VWA8: variants seen among roughly 807,000 people sequenced by gnomAD.
The protein encoded by VWA8 is von Willebrand factor A domain-containing protein 8.
VWA8 carries 221 observed loss-of-function variants against 241.5 expected under a neutral mutation model. That is an observed-to-expected ratio of 0.91 (90% CI 0.82 to 1.02). The LOEUF is 1.02. VWA8 is among the 50% of genes least tolerant of loss of function. The probability of loss-of-function intolerance (pLI) is 0.00; values close to 1 mark genes in which losing one functional copy is unlikely to be tolerated. For synonymous variants in VWA8, 852 were observed against 827.1 expected, an observed-to-expected ratio of 1.03 and a Z score of -0.52; for missense variants, 2,322 against 2,328.7, an observed-to-expected ratio of 1.00 and a Z score of 0.06.
At chr13:41,698,442 C>G (rs1186297069) in intron 29 of VWA8, among the ~76,000 whole-genome samples, 1 of 152,126 alleles carries the variant, frequency 6.6e-6, no homozygotes. Flanking sequence ...TTTAGCCTGA[C>G]TCCGGGCATC....
Position 41,891,420 on chromosome 13 carries a change from T to C in VWA8, c.651A>G (p.Arg217=). The change falls in exon 5 of 45, where the codon CGA becomes CGG. Residue 217 remains arginine, a splice_region_variant and synonymous_variant. Coordinates refer to ENST00000379310, the MANE Select transcript of VWA8 (RefSeq NM_015058.2). ...MSAERYDKLL[R]DHTKKELDSW... ...AAGCAACAGGATTTTCTTTTCTTAC[T>C]CGGAGAAGTTTGTCGTAACGCTCAG... 1 of 1,614,128 alleles carries C rather than the reference T, an allele frequency of 6.2e-7. No individual in the cohort carries two copies. The highest frequency in any genetic ancestry group is 8.5e-7 in the Non-Finnish European group (1 of 1,180,002).
At chr13:41,929,360 C>T (rs1877000063) in intron 2 of VWA8, among the ~76,000 whole-genome samples, 1 of 151,938 alleles carries the variant, frequency 6.6e-6, no homozygotes, top group South Asian at 2.1e-4. Flanking sequence ...ACTATGTTGC[C>T]ATGGCTGATC....
Position 41,907,684 on chromosome 13 carries a change from GT to G in VWA8, c.384del (p.Lys128AsnfsTer62). The G allele has an allele frequency of 6.2e-7, 1 of 1,613,950 alleles. No homozygotes were observed. The highest frequency in any genetic ancestry group is 1.1e-5 in the South Asian group (1 of 91,072). ...GACAGGGCAATGTATTCGACCTCCCGTTTGGTCAGCTCCTGTAGAGAAGAGA... is the reference window on the plus strand; with the variant it reads ...GACAGGGCAATGTATTCGACCTCCCGTTGGTCAGCTCCTGTAGAGAAGAGA... ...SIAMQYLELT[K>X]REVEYIALSR... is the part of the protein sequence containing the mutation. On this transcript the variant is annotated frameshift_variant, in exon 4 of 45. Transcript: ENST00000379310. LOFTEE classifies it high-confidence loss of function.
intron 17 of VWA8, among the ~76,000 whole-genome samples, chr13:41,790,109 T>C (rs546745596): frequency 3.5e-4 from 53 of 152,256 alleles, no homozygotes; most frequent in African/African-American, 1.3e-3. Context: ...TAGACTTACA[T>C]AGTTAACTGA....
At chr13:41,727,397 T>G in intron 23 of VWA8, 84 bp from the exon 24 acceptor site, 3 of 1,041,022 alleles carry the variant, frequency 2.9e-6, no homozygotes, top group Non-Finnish European at 4.0e-6. Context: ...ATAACATAAA[T>G]AGTTATACTG....
At chr13:41,688,346 T>C (rs2045151183) in intron 34 of VWA8, among the ~76,000 whole-genome samples, 1 of 152,058 alleles carries the variant, frequency 6.6e-6, no homozygotes, top group Admixed American at 6.6e-5. Flanking sequence ...TATCATCCCA[T>C]CTAAAAGCTA....
At chr13:41,912,518 G>T (rs561128047) in intron 2 of VWA8, among the ~76,000 whole-genome samples, 1 of 152,106 alleles carries the variant, frequency 6.6e-6, no homozygotes, top group Middle Eastern at 3.4e-3. Flanking sequence ...AAATAAAAGC[G>T]ATCTTCAAGG....
intron 4 of VWA8, among the ~76,000 whole-genome samples, 192 bp from the exon 5 acceptor site, chr13:41,891,779 T>C (rs1874858966): frequency 6.6e-6 from 1 of 152,214 alleles, no homozygotes; most frequent in Non-Finnish European, 1.5e-5. Context: ...TCTTTGGGCC[T>C]GTTTATTCGT....
intron 34 of VWA8, among the ~76,000 whole-genome samples, chr13:41,686,184 T>C (rs1229318603): frequency 3.9e-5 from 6 of 152,158 alleles, no homozygotes; most frequent in African/African-American, 1.2e-4. Flanking sequence ...CCCAGGCCAA[T>C]ACATGGTCTT....
chr13:41,637,469 C>T (rs12858204), intron 37 of VWA8, among the ~76,000 whole-genome samples: 4,719 of 149,604 alleles, frequency 0.032, 86 homozygotes, highest in South Asian at 0.075. Context: ...TGCTAAATGA[C>T]GAGTTAATGG....
chr13:41,690,606 G>A (rs1348480627), intron 32 of VWA8, among the ~76,000 whole-genome samples: 1 of 152,046 alleles, frequency 6.6e-6, no homozygotes, highest in Non-Finnish European at 1.5e-5. Context: ...AGCCAGGAAG[G>A]GGGAGTATGA....
intron 42 of VWA8, among the ~76,000 whole-genome samples, chr13:41,583,642 C>CAAAAAAAAAAAAAAAA (rs935505646): frequency 2.4e-5 from 1 of 42,160 alleles, no homozygotes; most frequent in Non-Finnish European, 4.7e-5. Flanking sequence ...GACTCCATCT[C>CAAAAAAAAAAAAAAAA]AAAAAAAAAA....
chr13:41,700,768 A>G (rs1481966733), intron 28 of VWA8, among the ~76,000 whole-genome samples: 1 of 152,246 alleles, frequency 6.6e-6, no homozygotes, highest in Non-Finnish European at 1.5e-5. Context: ...ACTTATAGGC[A>G]TAAAGACAAG....
intron 20 of VWA8, among the ~76,000 whole-genome samples, chr13:41,771,890 T>C (rs938183832): frequency 6.9e-6 from 1 of 145,704 alleles, no homozygotes; most frequent in African/African-American, 2.5e-5. Context: ...CAGGGACTTT[T>C]TTTTTTTTTT....
chr13:41,923,272 C>T (rs1876648828), intron 2 of VWA8, among the ~76,000 whole-genome samples: 1 of 152,052 alleles, frequency 6.6e-6, no homozygotes, highest in Non-Finnish European at 1.5e-5. Flanking sequence ...ACATCACACA[C>T]CGGGGCTTGC....
intron 39 of VWA8, 147 bp from the exon 40 acceptor site, chr13:41,605,423 G>T: frequency 1.4e-6 from 1 of 716,732 alleles, no homozygotes; most frequent in Non-Finnish European, 2.4e-6. Context: ...GATGTCTCCA[G>T]CTGTGCTTCC....
intron 37 of VWA8, among the ~76,000 whole-genome samples, chr13:41,647,663 C>T (rs2044840454): frequency 6.6e-6 from 1 of 152,100 alleles, no homozygotes; most frequent in South Asian, 2.1e-4. Context: ...GAATCAGTCA[C>T]ATTATTTACT....
At chr13:41,855,340 A>C (rs1227143520) in intron 12 of VWA8, among the ~76,000 whole-genome samples, 4 of 145,646 alleles carry the variant, frequency 2.7e-5, no homozygotes, top group African/African-American at 1.0e-4. Context: ...ATAATATATA[A>C]TATATAAATA....
chr13:41,749,812 G>A (rs2045640779), intron 21 of VWA8, among the ~76,000 whole-genome samples: 1 of 146,160 alleles, frequency 6.8e-6, no homozygotes, highest in African/African-American at 2.5e-5. Flanking sequence ...CAATGTGGTG[G>A]GAATTGAGTA....
Sources: allele counts gnomAD v4.1 joint callset (sites outside exome capture counted in the v4.1 genomes callset), GRCh38; gene constraint gnomAD v4.1.1; transcripts MANE v1.5; gene names NCBI Gene and HGNC (gene_info 2026-07-23, HGNC 2026-07-21).